LENG8: variants seen among roughly 807,000 people sequenced by gnomAD.
LENG8 encodes leukocyte receptor cluster (LRC) member 8.
LENG8 carries 28 observed loss-of-function variants against 102.1 expected under a neutral mutation model. The observed-to-expected ratio is 0.27, with a 90% CI of 0.20 to 0.38. The LOEUF (loss-of-function observed/expected upper bound fraction) is 0.38, where lower values mean the gene tolerates loss of function less well. LENG8 is among the 10% of genes least tolerant of loss of function. The pLI is 1.00. For synonymous variants in LENG8, 531 were observed against 456.7 expected (o/e 1.16, Z -2.07); for missense variants, 1,022 against 1,113.9 (o/e 0.92, Z 1.17).
intron 15 of LENG8, 58 bp from the exon 16 acceptor site, chr19:54,460,708 G>A (rs2084492828): frequency 1.4e-6 from 2 of 1,440,266 alleles, no homozygotes; most frequent in Admixed American, 2.8e-5. Context: ...CCGCTCGTGG[G>A]GCCCTCCCCT....
chr19:54,453,748 T>A, intron 5 of LENG8, 92 bp downstream of exon 5: 1 of 867,778 alleles, frequency 1.2e-6, no homozygotes, highest in Non-Finnish European at 1.8e-6. Context: ...TTGTACTCCT[T>A]AAGCTGCTTT....
intron 15 of LENG8, chr19:54,460,447 G>A (rs1187364201): frequency 7.4e-5 from 95 of 1,287,322 alleles, no homozygotes; most frequent in Non-Finnish European, 8.9e-5. Flanking sequence ...CCCCTGCCAC[G>A]TGCTGCTCCC....
At chr19:54,459,250 C>G (rs1569306644) in intron 15 of LENG8, 1 of 1,044,718 alleles carries the variant, frequency 9.6e-7, no homozygotes, top group East Asian at 7.9e-5. Context: ...GGATGCTGCC[C>G]TGCCACTGCC....
rs746884167 is a variant in LENG8 at position 54,458,296 on chromosome 19, T to C, written c.2033-18T>C. 1.3e-5 allele frequency: 21 copies of C among 1,613,184 alleles called. No homozygotes were observed. Among genetic ancestry groups the C allele is most frequent in the Non-Finnish European group, 1.8e-5 (21 of 1,179,490 alleles). On this transcript the variant is annotated intron_variant, in intron 14 of 15. Transcript: ENST00000326764. ...GGGTTGAGCCCTGCTGACTTCACCC[T>C]CTTTGTCTTGGTGCTAGACATCACC...
At position 54,458,618 on chromosome 19, in the gene LENG8, C is replaced by T. The variant is rs764939828; in HGVS notation, c.2240+97C>T. 2.6e-5 allele frequency: 41 copies of T among 1,574,452 alleles called. No individual in the cohort carries two copies. The Admixed American group carries it at 6.0e-4, about 23-fold the overall frequency. ...CTCCTGGCCGCAGGCCTCCCCCAGC[C>T]CCCAACCCTTGTCCTGGTCCTTGCT... On this transcript the variant is annotated intron_variant, in intron 15 of 15. Transcript: ENST00000326764.
chr19:54,460,044 T>A, intron 15 of LENG8: 1 of 1,285,922 alleles, frequency 7.8e-7, no homozygotes, highest in African/African-American at 1.5e-5. Context: ...TGTCAGCACC[T>A]TCCCCCCAAG....
chr19:54,456,964 G>A, intron 11 of LENG8, 43 bp downstream of exon 11: 1 of 1,547,570 alleles, frequency 6.5e-7, no homozygotes, highest in Non-Finnish European at 8.7e-7. Context: ...AGGCCGTGCT[G>A]GCTCAGGACT....
intron 15 of LENG8, chr19:54,460,426 G>A (rs1486966795): frequency 1.2e-5 from 15 of 1,253,094 alleles, no homozygotes; most frequent in East Asian, 8.4e-5. Flanking sequence ...TGGCAGCCCC[G>A]CCATCCCCAT....
intron 15 of LENG8, chr19:54,459,529 C>T (rs2084425456): frequency 1.0e-6 from 1 of 986,632 alleles, no homozygotes; most frequent in South Asian, 4.6e-5. Context: ...AGGTGGCCCT[C>T]CACGTGAGGT....
chr19:54,457,916 C>A lies in LENG8; in HGVS notation c.1834-18C>A. 1.9e-6 allele frequency: 3 copies of A among 1,613,970 alleles called. No homozygotes were observed. The highest frequency in any genetic ancestry group is 2.5e-6 in the Non-Finnish European group (3 of 1,179,980). ...CCTCCCGCTCCTTGTGACTCTTGTT[C>A]TCGCCCCGCTGCCCCAGGTGCAGGG... is the stretch of plus-strand genomic sequence containing the variant. On this transcript the variant is annotated intron_variant, in intron 12 of 15. Coordinates refer to ENST00000326764, the MANE Select transcript of LENG8 (RefSeq NM_052925.4).
chr19:54,456,669 G>T lies in LENG8; in HGVS notation c.1479G>T (p.Lys493Asn). ...HDLAPTKRSR[K>N]KMAALECEDP... ...TGGCGCCCACCAAGCGCAGTCGAAA[G>T]AAGATGGCGGCGCTGGAGTGTGAGG... Residue 493 changes from lysine (K) to asparagine (N), a missense_variant, in exon 11 of 16, where the codon AAG (lysine) becomes AAT (asparagine). Coordinates refer to ENST00000326764, the MANE Select transcript of LENG8 (RefSeq NM_052925.4). 6.2e-7 allele frequency: 1 copy of T among 1,613,116 alleles called. No individual in the cohort carries two copies. The highest frequency in any genetic ancestry group is 8.5e-7 in the Non-Finnish European group (1 of 1,179,672).
At chr19:54,459,033 CT>C (rs2084399657) in intron 15 of LENG8, 4 of 1,434,538 alleles carry the variant, frequency 2.8e-6, no homozygotes, top group Non-Finnish European at 3.6e-6. Flanking sequence ...CCAGAGGCCC[CT>C]GGTCAGGCCA....
At chr19:54,457,640 C>T in intron 11 of LENG8, 107 bp from the exon 12 acceptor site, 1 of 833,886 alleles carries the variant, frequency 1.2e-6, no homozygotes, top group Non-Finnish European at 2.0e-6. Flanking sequence ...TGCGCCTGGC[C>T]TTTTTTTTCT....
intron 6 of LENG8, 122 bp downstream of exon 6, chr19:54,454,804 G>A (rs2084138066): frequency 1.4e-6 from 2 of 1,423,510 alleles, no homozygotes; most frequent in Admixed American, 2.2e-5. Flanking sequence ...GGCTGGGGGT[G>A]GGGCTGCTCT....
chr19:54,452,393 A>G, intron 3 of LENG8, 126 bp downstream of exon 3: 1 of 895,888 alleles, frequency 1.1e-6, no homozygotes, highest in South Asian at 1.7e-5. Flanking sequence ...GTTCCAGGGT[A>G]TCTAAATCTG....
chr19:54,460,713 T>TG, intron 15 of LENG8, 53 bp from the exon 16 acceptor site: 1 of 1,405,792 alleles, frequency 7.1e-7, no homozygotes, highest in Non-Finnish European at 9.3e-7. Flanking sequence ...CGTGGGGCCC[T>TG]CCCCTGCCCT....
chr19:54,449,476 C>A (rs1020046392), intron 1 of LENG8, 166 bp downstream of exon 1: 7 of 152,144 alleles, frequency 4.6e-5, no homozygotes, highest in African/African-American at 1.7e-4. Context: ...CGCACCGGGC[C>A]TGGGGCCGCG....
In LENG8 at chr19:54,456,613, C is replaced by T. The variant is rs1328272035; in HGVS notation, c.1446-23C>T. 5 of 1,596,310 alleles carry T rather than the reference C, an allele frequency of 3.1e-6. No homozygotes were observed. The Admixed American group carries it at 5.1e-5, about 16-fold the overall frequency. ...GGGGGCTGGAGACGCCTGTCGCGCTCACTGCCCCTCATCCCTTCCTAGGCA... is the reference window on the plus strand; with the variant it reads ...GGGGGCTGGAGACGCCTGTCGCGCTTACTGCCCCTCATCCCTTCCTAGGCA... On this transcript the variant is annotated intron_variant, in intron 10 of 15. Transcript: ENST00000326764.
intron 15 of LENG8, chr19:54,458,791 G>A (rs1287358665): frequency 1.3e-6 from 2 of 1,551,096 alleles, no homozygotes; most frequent in South Asian, 2.4e-5. Flanking sequence ...CCCCATCTGT[G>A]TGTCTCTTCC....
Sources: allele counts gnomAD v4.1 joint callset, GRCh38; gene constraint gnomAD v4.1.1; transcripts MANE v1.5; gene names NCBI Gene and HGNC (gene_info 2026-07-23, HGNC 2026-07-21).